The following PPIP5K1 variants were observed in gnomAD, a reference collection of about 807,000 sequenced individuals.
The protein encoded by PPIP5K1 is inositol hexakisphosphate and diphosphoinositol-pentakisphosphate kinase 1.
In PPIP5K1, 6 loss-of-function variants were observed where a neutral mutation model predicts 27.7. That is an observed-to-expected ratio of 0.22 (90% CI 0.12 to 0.43). The LOEUF (loss-of-function observed/expected upper bound fraction) is 0.43, where lower values mean the gene tolerates loss of function less well. Ranked by LOEUF, PPIP5K1 falls within the 20% of genes least tolerant of loss-of-function variation. The pLI is 1.00. For synonymous variants in PPIP5K1, 145 were observed against 242.6 expected (o/e 0.60, Z 3.74); for missense variants, 394 against 635.4 (o/e 0.62, Z 4.08).
At chr15:43,547,035 G>A (rs1595760830) in intron 30 of PPIP5K1, among the ~76,000 whole-genome samples, 1 of 151,838 alleles carries the variant, frequency 6.6e-6, no homozygotes, top group African/African-American at 2.4e-5. Flanking sequence ...CACTGTATGA[G>A]AGTTCCAGTT....
intron 30 of PPIP5K1, among the ~76,000 whole-genome samples, chr15:43,549,043 AAAAAAAAAAAAAAATATATAT>A (rs1489426978): frequency 0.014 from 1,309 of 96,928 alleles, 52 homozygotes; most frequent in African/African-American, 0.072. Context: ...AAAAAAAAAA[AAAAAAAAAAAAAAATATATAT>A]ATATATATAT....
chr15:43,533,568 C>T lies in PPIP5K1; in HGVS notation c.*1106G>A, dbSNP rs1384379722. 2 of 152,510 alleles carry T rather than the reference C, an allele frequency of 1.3e-5. No individual in the cohort carries two copies. The highest frequency in any genetic ancestry group is 4.8e-5 in the African/African-American group (2 of 41,402). 9.4% of individuals were successfully genotyped at this position (152,510 alleles called of 1,614,324 possible). A position where few individuals can be genotyped will look rare whatever the true frequency, so the allele number is the denominator to read the frequency against. On this transcript the variant is annotated 3_prime_UTR_variant, in exon 32 of 32. Coordinates refer to ENST00000420765, the MANE Select transcript of PPIP5K1 (RefSeq NM_001394395.1). Reference sequence around the variant, plus strand: ...CCTCCTACCCACTCCCATTCCCATCCCTGGATCTTTGGAAAAAGCTTCATA... The same window carrying T: ...CCTCCTACCCACTCCCATTCCCATCTCTGGATCTTTGGAAAAAGCTTCATA...
At chr15:43,541,600 T>C (rs1050556324) in intron 30 of PPIP5K1, among the ~76,000 whole-genome samples, 6 of 151,846 alleles carry the variant, frequency 4.0e-5, no homozygotes, top group African/African-American at 1.5e-4. Flanking sequence ...GCCTGTAATC[T>C]CAGCTACTTG....
intron 29 of PPIP5K1, among the ~76,000 whole-genome samples, chr15:43,559,875 C>G (rs2083556116): frequency 1.3e-5 from 2 of 150,586 alleles, no homozygotes. Context: ...ACTAAGGATA[C>G]ACGGGACAAC....
chr15:43,540,830 C>G (rs1376425546), intron 30 of PPIP5K1, among the ~76,000 whole-genome samples: 1 of 136,116 alleles, frequency 7.3e-6, no homozygotes, highest in Non-Finnish European at 1.5e-5. Flanking sequence ...CCACTGCACT[C>G]TACCATGGGC....
At chr15:43,545,180 A>T (rs1049429659) in intron 30 of PPIP5K1, among the ~76,000 whole-genome samples, 1 of 133,012 alleles carries the variant, frequency 7.5e-6, no homozygotes, top group Non-Finnish European at 1.6e-5. Context: ...TCCGTCTCAT[A>T]AAAAAAAAAA....
chr15:43,547,033 G>A (rs1032225283), intron 30 of PPIP5K1, among the ~76,000 whole-genome samples: 9 of 151,798 alleles, frequency 5.9e-5, no homozygotes, highest in African/African-American at 2.2e-4. Flanking sequence ...AGCACTGTAT[G>A]AGAGTTCCAG....
At chr15:43,545,777 T>A (rs2081300214) in intron 30 of PPIP5K1, among the ~76,000 whole-genome samples, 1 of 152,216 alleles carries the variant, frequency 6.6e-6, no homozygotes, top group Admixed American at 6.5e-5. Flanking sequence ...TAATTTTTTT[T>A]ATTGAGGTGA....
chr15:43,555,116 C>T (rs895100320), intron 30 of PPIP5K1, among the ~76,000 whole-genome samples: 3 of 151,754 alleles, frequency 2.0e-5, no homozygotes, highest in South Asian at 2.1e-4. Context: ...GGATTACAGG[C>T]GTGAGCCACC....
intron 31 of PPIP5K1, among the ~76,000 whole-genome samples, chr15:43,538,630 G>C (rs1445093358): frequency 1.3e-5 from 2 of 152,088 alleles, no homozygotes; most frequent in Admixed American, 6.6e-5. Flanking sequence ...TCCTGCCTCA[G>C]CCTTCCGAGT....
chr15:43,539,701 T>C (rs1199278516), intron 30 of PPIP5K1, 118 bp from the exon 31 acceptor site: 28 of 630,388 alleles, frequency 4.4e-5, no homozygotes, highest in Middle Eastern at 8.8e-4. Flanking sequence ...GGCTGAGAAG[T>C]AGCATTTCCT....
chr15:43,547,620 C>T (rs1451162175), intron 30 of PPIP5K1, among the ~76,000 whole-genome samples: 2 of 152,194 alleles, frequency 1.3e-5, no homozygotes, highest in East Asian at 1.9e-4. Context: ...TATTCTTTCT[C>T]CATTGAATAG....
At position 43,534,798 on chromosome 15, in the gene PPIP5K1, A is replaced by T; in HGVS notation, c.4349T>A (p.Leu1450Gln). Reference protein sequence around the residue: ...YQEFSVEVGRLAQETSAINLL... With the variant: ...YQEFSVEVGRQAQETSAINLL... ...ATTGATCGCAGAAGTCTCCTGGGCC[A>T]GCCTGCCAACCTCCACAGAGAACTC... is the stretch of plus-strand genomic sequence containing the variant. The change falls in exon 32 of 32, where the codon CTG (leucine) becomes CAG (glutamine). Residue 1450 changes from leucine to glutamine, a missense_variant. Transcript: ENST00000420765. 6.2e-7 allele frequency: 1 copy of T among 1,600,520 alleles called. No individual in the cohort carries two copies. Among genetic ancestry groups the T allele is most frequent in the Non-Finnish European group, 8.5e-7 (1 of 1,173,586 alleles).
chr15:43,572,655 T>TA, intron 23 of PPIP5K1, 114 bp downstream of exon 23: 2 of 669,882 alleles, frequency 3.0e-6, no homozygotes, highest in Non-Finnish European at 5.4e-6. Flanking sequence ...ATGCTGTGCG[T>TA]AAGTGCCACA....
intron 30 of PPIP5K1, among the ~76,000 whole-genome samples, chr15:43,552,197 C>A (rs1415286132): frequency 6.6e-6 from 1 of 152,120 alleles, no homozygotes; most frequent in Non-Finnish European, 1.5e-5. Flanking sequence ...TCAAGCAATC[C>A]TCCCACTTTG....
At chr15:43,579,383 TACACACACACACACAC>T (rs371291746) in intron 10 of PPIP5K1, among the ~76,000 whole-genome samples, 6 of 84,302 alleles carry the variant, frequency 7.1e-5, no homozygotes, top group Non-Finnish European at 1.2e-4. Flanking sequence ...TTCGATTATA[TACACACACACACACAC>T]ACACACACAC....
At position 43,549,056 on chromosome 15, in the gene PPIP5K1, AATATATATATAT is replaced by A. The variant is rs762219321; in HGVS notation, c.3557-9485_3557-9474del. On this transcript the variant is annotated intron_variant, in intron 30 of 31. Coordinates refer to ENST00000420765, the MANE Select transcript of PPIP5K1 (RefSeq NM_001394395.1). ...AAAAAAAAAAAAAAAAAAAAAAAAA[AATATATATATAT>A]ATATATATATATACATATATATAAT... is the stretch of plus-strand genomic sequence containing the variant. Among the ~76,000 whole-genome samples, 8 of 54,296 alleles carry A rather than the reference AATATATATATAT, an allele frequency of 1.5e-4. 1 individual carries two copies. Among genetic ancestry groups the A allele is most frequent in the East Asian group, 7.0e-4 (1 of 1,430 alleles). 35.6% of individuals were successfully genotyped at this position (54,296 alleles called of 152,430 possible).
intron 30 of PPIP5K1, among the ~76,000 whole-genome samples, chr15:43,550,698 A>G (rs2082087112): frequency 1.3e-5 from 2 of 152,084 alleles, no homozygotes; most frequent in African/African-American, 4.8e-5. Flanking sequence ...TCTTAGAGGG[A>G]AAGCCTTCAG....
intron 31 of PPIP5K1, among the ~76,000 whole-genome samples, chr15:43,537,793 T>C (rs923917881): frequency 1.4e-5 from 2 of 144,178 alleles, no homozygotes; most frequent in Non-Finnish European, 3.0e-5. Context: ...GATGCAGACA[T>C]ACAGACCCTA....
Sources: allele counts gnomAD v4.1 joint callset (sites outside exome capture counted in the v4.1 genomes callset), GRCh38; gene constraint gnomAD v4.1.1; transcripts MANE v1.5; gene names NCBI Gene and HGNC (gene_info 2026-07-23, HGNC 2026-07-21).